PDE10A: variants seen among roughly 807,000 people sequenced by gnomAD.
The protein encoded by PDE10A is cAMP and cAMP-inhibited cGMP 3',5'-cyclic phosphodiesterase 10A.
In PDE10A, 39 loss-of-function variants were observed where a neutral mutation model predicts 97.7. The observed-to-expected ratio is 0.40, with a 90% CI of 0.31 to 0.52. The LOEUF is 0.52. Among genes scored for constraint, PDE10A ranks in the 20% least tolerant of loss-of-function variants. The pLI, the probability that PDE10A is intolerant of heterozygous loss-of-function variation, is 0.56. For missense variants in PDE10A, 731 were observed against 1,047.8 expected (o/e 0.70, Z 4.17); for synonymous variants, 371 against 376.8 (o/e 0.98, Z 0.18).
chr6:165,660,826 C>A (rs1212530372), intron 1 of PDE10A: 1 of 152,168 alleles, frequency 6.6e-6, no homozygotes, highest in Non-Finnish European at 1.5e-5. Context: ...GGCTCCGGAG[C>A]CGCGCTCTGG....
intron 1 of PDE10A, among the ~76,000 whole-genome samples, chr6:165,621,560 A>C (rs761676553): frequency 1.3e-5 from 2 of 152,112 alleles, no homozygotes; most frequent in Non-Finnish European, 2.9e-5. Context: ...GTTCAAGATG[A>C]GCCTGGCCAA....
chr6:165,330,055 AAGGACATTTTT>A lies in PDE10A; in HGVS notation c.*2959_*2969del, dbSNP rs1274532056. Reference sequence around the variant, plus strand: ...GTTATTGGCAGGCATTTATGTTTCCAAGGACATTTTTAGCTAAAAAACATATTCACTGTGTC... The same window carrying A: ...GTTATTGGCAGGCATTTATGTTTCCAAGCTAAAAAACATATTCACTGTGTC... On this transcript the variant is annotated 3_prime_UTR_variant, in exon 22 of 22. Coordinates refer to ENST00000539869, the MANE Select transcript of PDE10A (RefSeq NM_001385079.1). 6.6e-6 allele frequency: 1 copy of A among 152,232 alleles called. No homozygotes were observed. The highest frequency in any genetic ancestry group is 2.4e-5 in the African/African-American group (1 of 41,468). The allele number at this position is 152,232 out of a possible 1,614,324, so 9.4% of individuals were successfully genotyped here.
chr6:165,765,398 G>A (rs1187961790), intron 1 of PDE10A, among the ~76,000 whole-genome samples: 4 of 152,256 alleles, frequency 2.6e-5, no homozygotes, highest in Admixed American at 6.5e-5. Flanking sequence ...GAAGGCTCAG[G>A]CATGGCGGGC....
chr6:165,751,080 G>C (rs973596790), intron 1 of PDE10A, among the ~76,000 whole-genome samples: 2 of 152,160 alleles, frequency 1.3e-5, no homozygotes, highest in East Asian at 3.9e-4. Flanking sequence ...GGGGAGAGAA[G>C]AAGGGAGCCA....
At chr6:165,651,419 T>C (rs938973912) in intron 1 of PDE10A, among the ~76,000 whole-genome samples, 3 of 152,342 alleles carry the variant, frequency 2.0e-5, no homozygotes, top group African/African-American at 2.4e-5. Flanking sequence ...GTTAGCACTA[T>C]GCTGTGATAG....
At chr6:165,421,875 A>T (rs1339558600) in intron 10 of PDE10A, among the ~76,000 whole-genome samples, 2 of 152,190 alleles carry the variant, frequency 1.3e-5, no homozygotes, top group Non-Finnish European at 2.9e-5. Context: ...CAGCTTGGGC[A>T]ACATGGCAAA....
At chr6:165,648,426 A>T (rs1350699516) in intron 1 of PDE10A, among the ~76,000 whole-genome samples, 1 of 152,112 alleles carries the variant, frequency 6.6e-6, no homozygotes, top group Non-Finnish European at 1.5e-5. Flanking sequence ...AAAAGAAAAA[A>T]AAAAGAGCAA....
chr6:165,804,989 G>A (rs1245749460), intron 1 of PDE10A, among the ~76,000 whole-genome samples: 1 of 148,788 alleles, frequency 6.7e-6, no homozygotes, highest in Non-Finnish European at 1.5e-5. Flanking sequence ...GCGGGGCCTG[G>A]AGCGAGCATA....
At chr6:165,717,547 G>A (rs530106363) in intron 1 of PDE10A, among the ~76,000 whole-genome samples, 2 of 150,716 alleles carry the variant, frequency 1.3e-5, no homozygotes, top group African/African-American at 4.9e-5. Flanking sequence ...TCATGCCACT[G>A]CATTCCAGCC....
upstream of PDE10A, among the ~76,000 whole-genome samples, chr6:165,667,292 G>A (rs1460255032): frequency 4.6e-5 from 7 of 152,042 alleles, no homozygotes; most frequent in Non-Finnish European, 1.0e-4. Flanking sequence ...AGATTTTGGT[G>A]CACGCATTAC....
intron 1 of PDE10A, among the ~76,000 whole-genome samples, chr6:165,919,145 G>A (rs546142746): frequency 9.9e-5 from 15 of 152,246 alleles, no homozygotes; most frequent in African/African-American, 3.4e-4. Context: ...AAGCCAAGCC[G>A]GTTTCATGCC....
At chr6:165,611,433 A>G (rs903362677) in intron 1 of PDE10A, among the ~76,000 whole-genome samples, 2 of 152,230 alleles carry the variant, frequency 1.3e-5, no homozygotes, top group Non-Finnish European at 2.9e-5. Context: ...GAGCCTTACC[A>G]TGGTGGAATC....
At chr6:165,468,702 C>T (rs1214178212) in intron 3 of PDE10A, among the ~76,000 whole-genome samples, 1 of 152,194 alleles carries the variant, frequency 6.6e-6, no homozygotes, top group African/African-American at 2.4e-5. Context: ...AAGAAATTAT[C>T]AACTTGTGAA....
chr6:165,493,309 A>G (rs1389617803), intron 2 of PDE10A, among the ~76,000 whole-genome samples: 1 of 152,100 alleles, frequency 6.6e-6, no homozygotes, highest in Non-Finnish European at 1.5e-5. Context: ...TACCACCATC[A>G]TTCTTCACAG....
At chr6:165,903,191 G>A (rs182571001) in intron 1 of PDE10A, among the ~76,000 whole-genome samples, 4 of 152,234 alleles carry the variant, frequency 2.6e-5, no homozygotes, top group Admixed American at 6.5e-5. Context: ...GTAAGGGTTC[G>A]AATTTTTATT....
chr6:165,944,182 T>C (rs1283823884), intron 1 of PDE10A, among the ~76,000 whole-genome samples: 2 of 152,206 alleles, frequency 1.3e-5, no homozygotes, highest in Non-Finnish European at 2.9e-5. Context: ...TCACTCACTA[T>C]TGGGAGAACC....
chr6:165,728,328 T>C (rs944751824), intron 1 of PDE10A, among the ~76,000 whole-genome samples: 2 of 152,102 alleles, frequency 1.3e-5, no homozygotes, highest in African/African-American at 4.8e-5. Flanking sequence ...CATGCTGGAG[T>C]GAGGGCACAC....
chr6:165,826,045 C>T (rs1423207802), intron 1 of PDE10A, among the ~76,000 whole-genome samples: 1 of 152,222 alleles, frequency 6.6e-6, no homozygotes, highest in Non-Finnish European at 1.5e-5. Flanking sequence ...ACCTCAGTTC[C>T]AGTTCTTTAT....
intron 17 of PDE10A, among the ~76,000 whole-genome samples, chr6:165,385,504 T>G (rs910232982): frequency 6.6e-6 from 1 of 152,202 alleles, no homozygotes; most frequent in African/African-American, 2.4e-5. Flanking sequence ...ACTCAGGCCT[T>G]CCTCACTCTG....
Sources: gnomAD v4.1 joint callset for allele counts (sites outside exome capture counted in the v4.1 genomes callset) on GRCh38, gnomAD v4.1.1 for gene constraint, MANE v1.5 for transcripts, NCBI Gene and HGNC (gene_info 2026-07-23, HGNC 2026-07-21) for gene names.